SPATA2L: variants seen among roughly 807,000 people sequenced by gnomAD.
SPATA2L encodes the protein spermatogenesis-associated protein 2-like protein.
SPATA2L carries 5 observed loss-of-function variants against 8.7 expected under a neutral mutation model. The ratio of observed to expected loss-of-function variants is 0.57; its 90% CI spans 0.30 to 1.21. The LOEUF (loss-of-function observed/expected upper bound fraction) is 1.21, where lower values mean the gene tolerates loss of function less well. Among genes scored for constraint, SPATA2L ranks in the 50% most tolerant of loss-of-function variants. The probability of loss-of-function intolerance (pLI) is 0.07; values close to 1 mark genes in which losing one functional copy is unlikely to be tolerated. For synonymous variants in SPATA2L, 358 were observed against 275.8 expected (o/e 1.30, Z -2.95); for missense variants, 671 against 591.0 (o/e 1.14, Z -1.40).
chr16:89,698,293 C>T lies in SPATA2L; in HGVS notation c.316G>A (p.Gly106Ser). The T allele has an allele frequency of 6.4e-7, 1 of 1,566,436 alleles. No homozygotes were observed. The highest frequency in any genetic ancestry group is 8.7e-7 in the Non-Finnish European group (1 of 1,152,328). ...ACACCCTTCAGCACGTGCACGTAGC[C>T]CCCAGAGAAGGTCTGCAAGGGAGCG... ...EFTTIKTFSG[G>S]YVHVLKGVLS... The change falls in exon 3 of 3, where the codon GGC becomes AGC. Residue 106 changes from glycine (G) to serine (S), a missense_variant. Physicochemically the swap from Gly to Ser is moderately conservative, Grantham distance 56. Coordinates refer to ENST00000289805, the MANE Select transcript of SPATA2L (RefSeq NM_152339.4).
chr16:89,701,431 A>C, intron 1 of SPATA2L, 197 bp downstream of exon 1: 1 of 480,530 alleles, frequency 2.1e-6, no homozygotes, highest in Non-Finnish European at 3.5e-6. Context: ...CCACCCAGCG[A>C]TCCAGGCCCC....
rs770365536 is a variant in SPATA2L at position 89,698,053 on chromosome 16, G to A, written c.556C>T (p.Arg186Trp). 8.1e-6 allele frequency: 13 copies of A among 1,597,534 alleles called. No homozygotes were observed. Among genetic ancestry groups the A allele is most frequent in the African/African-American group, 1.3e-5 (1 of 74,690 alleles). ...VLPAEELLQA[R>W]RASGDVASCV... ...GAGGCCACGTCCCCGCTGGCACGCCGTGCCTGCAGCAGCTCCTCAGCTGGC... is the reference window on the plus strand; with the variant it reads ...GAGGCCACGTCCCCGCTGGCACGCCATGCCTGCAGCAGCTCCTCAGCTGGC... Residue 186 changes from arginine (R) to tryptophan (W), a missense_variant, in exon 3 of 3, where the codon CGG becomes TGG. Arg to Trp is a moderately radical substitution (Grantham distance 101). Transcript: ENST00000289805.
In SPATA2L at chr16:89,696,752, G is replaced by T; in HGVS notation, c.*582C>A. On this transcript the variant is annotated 3_prime_UTR_variant, in exon 3 of 3. Transcript: ENST00000289805. ...ACCTCCACATCTGGTTTGAGGTCAG[G>T]TCATTTCCTGTCTGTGGGCCCAGCT... The T allele has an allele frequency of 3.3e-6, 5 of 1,521,914 alleles. No homozygotes were observed. The highest frequency in any genetic ancestry group is 4.4e-6 in the Non-Finnish European group (5 of 1,135,980). 94.3% of individuals were successfully genotyped at this position (1,521,914 alleles called of 1,614,324 possible). A position where few individuals can be genotyped will look rare whatever the true frequency, so the allele number is the denominator to read the frequency against.
intron 2 of SPATA2L, 109 bp from the exon 3 acceptor site, chr16:89,698,414 C>T (rs1251685468): frequency 1.6e-6 from 2 of 1,215,968 alleles, no homozygotes; most frequent in East Asian, 5.5e-5. Context: ...TTCTGATGCT[C>T]AGACCCAACC....
chr16:89,697,034 T>C lies in SPATA2L; in HGVS notation c.*300A>G. On this transcript the variant is annotated 3_prime_UTR_variant, in exon 3 of 3. Coordinates refer to ENST00000289805, the MANE Select transcript of SPATA2L (RefSeq NM_152339.4). ...CACAGGGTCCTTCTCAGGGACAGGT[T>C]CAGGCACTGGCTGGAACAGGCTGGA... is the stretch of plus-strand genomic sequence containing the variant. 2.1e-6 allele frequency: 3 copies of C among 1,415,898 alleles called. No homozygotes were observed. In the South Asian group the frequency reaches 4.8e-5, roughly 23 times the overall value. 87.7% of individuals were successfully genotyped at this position (1,415,898 alleles called of 1,614,324 possible). A position where few individuals can be genotyped will look rare whatever the true frequency, so the allele number is the denominator to read the frequency against.
Position 89,697,080 on chromosome 16 carries a change from G to A in SPATA2L, c.*254C>T, listed in dbSNP as rs1443598376. On this transcript the variant is annotated 3_prime_UTR_variant, in exon 3 of 3. Transcript: ENST00000289805. Reference sequence around the variant, plus strand: ...CTGGACCCCTCTACCCAGCACATGTGGGCATGCGTCTGGGTTCCGAGGGTG... The same window carrying A: ...CTGGACCCCTCTACCCAGCACATGTAGGCATGCGTCTGGGTTCCGAGGGTG... 4 of 1,383,426 alleles carry A rather than the reference G, an allele frequency of 2.9e-6. No individual in the cohort carries two copies. Among genetic ancestry groups the A allele is most frequent in the Admixed American group, 3.1e-5 (1 of 32,496 alleles). 85.7% of individuals were successfully genotyped at this position (1,383,426 alleles called of 1,614,324 possible).
rs377386818 is a variant in SPATA2L, at chr16:89,697,783, G to A, written c.826C>T (p.Arg276Trp). 3.8e-5 allele frequency: 61 copies of A among 1,599,326 alleles called. No homozygotes were observed. The highest frequency in any genetic ancestry group is 4.5e-5 in the South Asian group (4 of 89,602). ...TCCTCAGCTGGGGGCTCCCAGGCCC[G>A]GCCCCCAGTGCCCCACAGTTTGGCA... is the stretch of plus-strand genomic sequence containing the variant. The part of the protein sequence containing the change: ...QSAKLWGTGG[R>W]AWEPPAEELP... The change falls in exon 3 of 3, where the codon CGG becomes TGG. Residue 276 changes from arginine (R) to tryptophan (W), a missense_variant. Arg to Trp is a moderately radical substitution (Grantham distance 101). Coordinates refer to ENST00000289805, the MANE Select transcript of SPATA2L (RefSeq NM_152339.4).
rs372920990 is a variant in SPATA2L at position 89,697,347 on chromosome 16, C to G, written c.1262G>C (p.Gly421Ala). Reference sequence around the variant, plus strand: ...GGCCCAGCTGGCCTAGGGCCGGGCCCCGGGGCTGTTGTAGAGCAGAGTGTC... The same window carrying G: ...GGCCCAGCTGGCCTAGGGCCGGGCCGCGGGGCTGTTGTAGAGCAGAGTGTC... Reference protein sequence around the residue: ...QMDTLLYNSPGARP With the variant: ...QMDTLLYNSPAARP The change falls in exon 3 of 3, where the codon GGG becomes GCG. Residue 421 changes from glycine (G) to alanine (A), a missense_variant. Physicochemically the swap from Gly to Ala is moderately conservative, Grantham distance 60. Coordinates refer to ENST00000289805, the MANE Select transcript of SPATA2L (RefSeq NM_152339.4). 3.3e-6 allele frequency: 5 copies of G among 1,520,862 alleles called. No homozygotes were observed. Among genetic ancestry groups the G allele is most frequent in the Non-Finnish European group, 4.4e-6 (5 of 1,133,698 alleles). 94.2% of individuals were successfully genotyped at this position (1,520,862 alleles called of 1,614,324 possible).
In SPATA2L at chr16:89,698,226, C is replaced by T. The variant is rs1235784273; in HGVS notation, c.383G>A (p.Gly128Asp). 1 of 1,611,992 alleles carries T rather than the reference C, an allele frequency of 6.2e-7. No individual in the cohort carries two copies. Among genetic ancestry groups the T allele is most frequent in the South Asian group, 1.1e-5 (1 of 90,950 alleles). ...DLLLKSFQKMGYVRRDSHRLM... is the reference protein window; with the variant it reads ...DLLLKSFQKMDYVRRDSHRLM... Reference sequence around the variant, plus strand: ...CCGATGGCTGTCTCTGCGTACGTAGCCCATCTTCTGGAAGCTCTTCAGGAG... The same window carrying T: ...CCGATGGCTGTCTCTGCGTACGTAGTCCATCTTCTGGAAGCTCTTCAGGAG... Residue 128 changes from glycine to aspartate, a missense_variant, in exon 3 of 3, where the codon GGC becomes GAC. Coordinates refer to ENST00000289805, the MANE Select transcript of SPATA2L (RefSeq NM_152339.4).
At position 89,698,154 on chromosome 16, in the gene SPATA2L, G is replaced by A; in HGVS notation, c.455C>T (p.Ala152Val). The change falls in exon 3 of 3, where the codon GCC becomes GTC. Residue 152 changes from alanine to valine, a missense_variant. Coordinates refer to ENST00000289805, the MANE Select transcript of SPATA2L (RefSeq NM_152339.4). ...LPPACQLVQV[A>V]LGCFALRLEC... ...CAGCCGGAGGGCGAAGCAGCCCAGG[G>A]CCACCTGCACCAGCTGGCAGGCGGG... 1 of 1,611,628 alleles carries A rather than the reference G, an allele frequency of 6.2e-7. No homozygotes were observed. The highest frequency in any genetic ancestry group is 8.5e-7 in the Non-Finnish European group (1 of 1,179,552).
chr16:89,700,781 C>T, intron 2 of SPATA2L, 149 bp downstream of exon 2: 1 of 879,858 alleles, frequency 1.1e-6, no homozygotes, highest in Non-Finnish European at 1.6e-6. Flanking sequence ...ACGCCCACGA[C>T]CCCTCAGCGC....
rs772736744 is a variant in SPATA2L at position 89,697,854 on chromosome 16, G to T, written c.755C>A (p.Ser252Ter). The stretch of plus-strand genomic sequence containing the variant: ...CCTGTAGGCCAGCTCCGCCGGGGGC[G>T]AGTCAGGGCCTGGTGACGGCTCCCC... The part of the protein sequence containing the change: ...LYGEPSPGPD[S>*]PPAELAYRPP... Residue 252 changes from serine to a stop codon, truncating the protein, a stop_gained, in exon 3 of 3, where the codon TCG (serine) becomes TAG (stop). Coordinates refer to ENST00000289805, the MANE Select transcript of SPATA2L (RefSeq NM_152339.4). LOFTEE classifies it low-confidence loss of function (END_TRUNC). 2.5e-6 allele frequency: 4 copies of T among 1,610,566 alleles called. No homozygotes were observed. The highest frequency in any genetic ancestry group is 3.4e-6 in the Non-Finnish European group (4 of 1,179,346).
chr16:89,700,197 C>T (rs1261736445), intron 2 of SPATA2L, among the ~76,000 whole-genome samples: 1 of 152,254 alleles, frequency 6.6e-6, no homozygotes, highest in African/African-American at 2.4e-5. Flanking sequence ...GCCCCGCCCC[C>T]TGGGAGGCCT....
rs1397491941 is a variant in SPATA2L at position 89,696,762 on chromosome 16, G to C, written c.*572C>G. 2.0e-6 allele frequency: 3 copies of C among 1,528,486 alleles called. No individual in the cohort carries two copies. Among genetic ancestry groups the C allele is most frequent in the Non-Finnish European group, 1.8e-6 (2 of 1,141,482 alleles). 94.7% of individuals were successfully genotyped at this position (1,528,486 alleles called of 1,614,324 possible). A position where few individuals can be genotyped will look rare whatever the true frequency, so the allele number is the denominator to read the frequency against. ...CTGGTTTGAGGTCAGGTCATTTCCT[G>C]TCTGTGGGCCCAGCTGCTGTGACAC... On this transcript the variant is annotated 3_prime_UTR_variant, in exon 3 of 3. Transcript: ENST00000289805.
chr16:89,698,748 A>G (rs1008366304), intron 2 of SPATA2L, among the ~76,000 whole-genome samples: 1 of 151,140 alleles, frequency 6.6e-6, no homozygotes, highest in African/African-American at 2.4e-5. Context: ...TGAGCTCCCA[A>G]AGTGCTGGGA....
At position 89,698,059 on chromosome 16, in the gene SPATA2L, G is replaced by A. The variant is rs1355357991; in HGVS notation, c.550C>T (p.Gln184Ter). The change falls in exon 3 of 3, where the codon CAG becomes TAG. Residue 184 changes from glutamine to a stop codon, truncating the protein, a stop_gained. Transcript: ENST00000289805. LOFTEE classifies it low-confidence loss of function (END_TRUNC). ...TSVLPAEELL[Q>*]ARRASGDVAS... ...ACGTCCCCGCTGGCACGCCGTGCCT[G>A]CAGCAGCTCCTCAGCTGGCAGCACA... 1 of 1,598,674 alleles carries A rather than the reference G, an allele frequency of 6.3e-7. No homozygotes were observed. The highest frequency in any genetic ancestry group is 8.5e-7 in the Non-Finnish European group (1 of 1,175,634).
At chr16:89,699,802 G>C (rs1033021203) in intron 2 of SPATA2L, among the ~76,000 whole-genome samples, 5 of 152,086 alleles carry the variant, frequency 3.3e-5, no homozygotes, top group African/African-American at 1.2e-4. Context: ...TGCCCACCTC[G>C]GCCTCCCAAA....
rs1406483217 is a variant in SPATA2L at position 89,696,921 on chromosome 16, G to A, written c.*413C>T. On this transcript the variant is annotated 3_prime_UTR_variant, in exon 3 of 3. Transcript: ENST00000289805. The stretch of plus-strand genomic sequence containing the variant: ...AGGCCCTTGAGGACACTCGTGTGGA[G>A]AATCCCTGGGACACGTGGAGGACCC... 6.6e-7 allele frequency: 1 copy of A among 1,523,230 alleles called. No homozygotes were observed. The highest frequency in any genetic ancestry group is 1.4e-5 in the African/African-American group (1 of 72,866). The allele number at this position is 1,523,230 out of a possible 1,614,324, so 94.4% of individuals were successfully genotyped here.
Position 89,701,560 on chromosome 16 carries a change from G to C in SPATA2L, c.-2+68C>G, listed in dbSNP as rs1481862295. 3.0e-5 allele frequency: 9 copies of C among 304,146 alleles called. No individual in the cohort carries two copies. The East Asian group carries it at 4.7e-4, about 16-fold the overall frequency. The allele number at this position is 304,146 out of a possible 1,614,324, so 18.8% of individuals were successfully genotyped here. A position where few individuals can be genotyped will look rare whatever the true frequency, so the allele number is the denominator to read the frequency against. ...CTAGAGACGCGCTTCCGCCCGCTGA[G>C]CCCTCTCCCGACCAGAGCCCCTTCG... On this transcript the variant is annotated intron_variant, in intron 1 of 2. Transcript: ENST00000289805.
Sources: gnomAD v4.1 joint callset for allele counts (sites outside exome capture counted in the v4.1 genomes callset) on GRCh38, gnomAD v4.1.1 for gene constraint, MANE v1.5 for transcripts, NCBI Gene and HGNC (gene_info 2026-07-23, HGNC 2026-07-21) for gene names.